The following LRRC7 variants were observed in gnomAD, a reference collection of about 807,000 sequenced individuals.
The protein encoded by LRRC7 is leucine rich repeat containing 7, also known as leucine-rich repeat-containing protein 7.
LRRC7 carries 23 observed loss-of-function variants against 175.7 expected under a neutral mutation model. That is an observed-to-expected ratio of 0.13 (90% CI 0.09 to 0.19). The LOEUF is 0.19. Among genes scored for constraint, LRRC7 ranks in the 10% least tolerant of loss-of-function variants. The pLI, the probability that LRRC7 is intolerant of heterozygous loss-of-function variation, is 1.00. For missense variants in LRRC7, 1,354 were observed against 1,904.7 expected, an observed-to-expected ratio of 0.71 and a Z score of 5.38; for synonymous variants, 685 against 680.9, an observed-to-expected ratio of 1.01 and a Z score of -0.09.
intron 2 of LRRC7, among the ~76,000 whole-genome samples, chr1:69,749,833 G>A (rs1456048731): frequency 6.6e-6 from 1 of 151,944 alleles, no homozygotes; most frequent in African/African-American, 2.4e-5. Flanking sequence ...GGAGGCTGAG[G>A]TGGGCGGATC....
chr1:69,877,111 T>A (rs1302556079), intron 7 of LRRC7, among the ~76,000 whole-genome samples: 1 of 152,116 alleles, frequency 6.6e-6, no homozygotes, highest in Non-Finnish European at 1.5e-5. Context: ...GGAGTAACCA[T>A]GAGGTAGACA....
chr1:69,604,521 CCTTAA>C (rs1647231223), intron 1 of LRRC7, among the ~76,000 whole-genome samples: 1 of 151,932 alleles, frequency 6.6e-6, no homozygotes, highest in African/African-American at 2.4e-5. Context: ...TTCACTAATA[CCTTAA>C]CTTGATTTAG....
rs983422136 is a variant in LRRC7, at chr1:70,131,275, A to C, written c.*9388A>C. On this transcript the variant is annotated 3_prime_UTR_variant, in exon 27 of 27. Coordinates refer to ENST00000651989, the MANE Select transcript of LRRC7 (RefSeq NM_001370785.2). ...GATCCTTCCCCTGAAGGGACAAAAA[A>C]TGGAATCCAGCCCCTTAAAACAAAA... Among the ~76,000 whole-genome samples, 1 of 152,200 alleles carries C rather than the reference A, an allele frequency of 6.6e-6. No individual in the cohort carries two copies. Among genetic ancestry groups the C allele is most frequent in the African/African-American group, 2.4e-5 (1 of 41,454 alleles).
chr1:69,873,484 T>C (rs1157895158), intron 7 of LRRC7: 9 of 533,124 alleles, frequency 1.7e-5, no homozygotes, highest in Non-Finnish European at 3.5e-5. Flanking sequence ...AGATCCAGAG[T>C]GTGCCCCTTG....
At chr1:69,616,737 C>T (rs1336658735) in intron 1 of LRRC7, among the ~76,000 whole-genome samples, 1 of 152,020 alleles carries the variant, frequency 6.6e-6, no homozygotes, top group Admixed American at 6.6e-5. Flanking sequence ...AAATGTCAAC[C>T]TTGCTAGGCC....
At chr1:69,702,893 G>A (rs147212890) in intron 2 of LRRC7, among the ~76,000 whole-genome samples, 1 of 152,064 alleles carries the variant, frequency 6.6e-6, no homozygotes, top group Non-Finnish European at 1.5e-5. Context: ...TTAATCAATA[G>A]CAGTCAGGAA....
At chr1:69,795,183 CAG>C (rs1675583051) in intron 4 of LRRC7, among the ~76,000 whole-genome samples, 1 of 152,082 alleles carries the variant, frequency 6.6e-6, no homozygotes, top group Non-Finnish European at 1.5e-5. Flanking sequence ...AGTTTGAGAC[CAG>C]CCAGGCCAAC....
chr1:69,810,937 C>T (rs1677773710), intron 4 of LRRC7, among the ~76,000 whole-genome samples: 1 of 152,158 alleles, frequency 6.6e-6, no homozygotes, highest in Non-Finnish European at 1.5e-5. Flanking sequence ...TCTAATTACA[C>T]TGAAGAGCGT....
chr1:69,611,227 T>C (rs1267181380), intron 1 of LRRC7, among the ~76,000 whole-genome samples: 3 of 152,046 alleles, frequency 2.0e-5, no homozygotes, highest in Admixed American at 2.0e-4. Context: ...TTTTTTCATA[T>C]ATCGTCAATA....
At chr1:69,894,201 C>G (rs1208240201) in intron 7 of LRRC7, among the ~76,000 whole-genome samples, 1 of 152,108 alleles carries the variant, frequency 6.6e-6, no homozygotes, top group Non-Finnish European at 1.5e-5. Flanking sequence ...ATTCACATAG[C>G]CCTCATAGTA....
intron 1 of LRRC7, among the ~76,000 whole-genome samples, chr1:69,639,061 A>G (rs904327909): frequency 1.3e-5 from 2 of 151,708 alleles, no homozygotes; most frequent in African/African-American, 2.4e-5. Context: ...TCTTTCTAAA[A>G]TTTTCTATTT....
intron 11 of LRRC7, among the ~76,000 whole-genome samples, chr1:70,003,076 T>C (rs1193771595): frequency 6.6e-6 from 1 of 152,136 alleles, no homozygotes; most frequent in Non-Finnish European, 1.5e-5. Context: ...ACCAGCAAGG[T>C]AGGTTTTATT....
chr1:69,915,762 A>C (rs1646667673), intron 7 of LRRC7, among the ~76,000 whole-genome samples: 1 of 151,902 alleles, frequency 6.6e-6, no homozygotes, highest in Non-Finnish European at 1.5e-5. Context: ...CAAACTCTGA[A>C]AGCTTTCACT....
chr1:69,761,793 A>G (rs1318160381), intron 3 of LRRC7, among the ~76,000 whole-genome samples: 8 of 152,050 alleles, frequency 5.3e-5, no homozygotes, highest in South Asian at 4.1e-4. Flanking sequence ...TGAATTTCAC[A>G]TAATAGATAC....
chr1:70,070,239 C>G (rs1223272260), intron 23 of LRRC7, among the ~76,000 whole-genome samples: 1 of 152,102 alleles, frequency 6.6e-6, no homozygotes, highest in Non-Finnish European at 1.5e-5. Context: ...AACTGACCCA[C>G]CTGCCTCGGC....
Position 69,569,129 on chromosome 1 carries a change from A to G in LRRC7, c.2+488A>G, listed in dbSNP as rs148044665. On this transcript the variant is annotated intron_variant, in intron 1 of 26. Transcript: ENST00000651989. ...GACGCACTTGTCTCTTTATCTTGGA[A>G]GGTGTTGTATCAATGTCTCGATGTC... Among the ~76,000 whole-genome samples, 109 of 151,878 alleles carry G rather than the reference A, an allele frequency of 7.2e-4. 1 individual carries two copies. Among genetic ancestry groups the G allele is most frequent in the Middle Eastern group, 3.4e-3 (1 of 294 alleles).
intron 6 of LRRC7, 125 bp from the exon 7 acceptor site, chr1:69,838,102 G>A (rs1681320889): frequency 3.5e-6 from 2 of 576,410 alleles, no homozygotes; most frequent in African/African-American, 3.8e-5. Flanking sequence ...TACTTTTTTA[G>A]TTATTTTTAA....
intron 7 of LRRC7, among the ~76,000 whole-genome samples, chr1:69,878,857 G>A (rs1686285516): frequency 6.8e-6 from 1 of 147,898 alleles, no homozygotes; most frequent in African/African-American, 2.5e-5. Context: ...TATTTACTCT[G>A]CTATGTATAA....
At chr1:69,651,630 T>C (rs1655845295) in intron 1 of LRRC7, among the ~76,000 whole-genome samples, 1 of 152,130 alleles carries the variant, frequency 6.6e-6, no homozygotes, top group African/African-American at 2.4e-5. Context: ...CAGAATCCAA[T>C]TAAAAAGTTG....
Sources: gnomAD v4.1 joint callset for allele counts (sites outside exome capture counted in the v4.1 genomes callset) on GRCh38, gnomAD v4.1.1 for gene constraint, MANE v1.5 for transcripts, NCBI Gene and HGNC (gene_info 2026-07-23, HGNC 2026-07-21) for gene names.